IMMP2L: variants seen among roughly 807,000 people sequenced by gnomAD.
IMMP2L encodes the protein mitochondrial inner membrane protease subunit 2.
A neutral mutation model predicts 19.3 loss-of-function variants in IMMP2L; 18 were observed. That is an observed-to-expected ratio of 0.93 (90% CI 0.64 to 1.38). The LOEUF (loss-of-function observed/expected upper bound fraction) is 1.38, where lower values mean the gene tolerates loss of function less well. IMMP2L is among the 40% of genes most tolerant of loss of function. The pLI is 0.00. For missense variants in IMMP2L, 233 were observed against 218.2 expected (o/e 1.07, Z -0.43); for synonymous variants, 76 against 73.0 (o/e 1.04, Z -0.21).
chr7:110,813,261 T>C (rs1464762161), intron 5 of IMMP2L, among the ~76,000 whole-genome samples: 1 of 152,042 alleles, frequency 6.6e-6, no homozygotes. Flanking sequence ...CTTATTGAAT[T>C]CATTTGAGCA....
intron 5 of IMMP2L, among the ~76,000 whole-genome samples, chr7:110,761,994 C>T (rs1584750729): frequency 6.6e-6 from 1 of 152,254 alleles, no homozygotes; most frequent in Admixed American, 6.5e-5. Context: ...CTAGCTTCTA[C>T]CTAGACTGGG....
chr7:111,035,789 C>T (rs1406849148), intron 3 of IMMP2L, among the ~76,000 whole-genome samples: 4 of 152,084 alleles, frequency 2.6e-5, no homozygotes, highest in African/African-American at 7.2e-5. Flanking sequence ...TCTTAACTAT[C>T]TATATTCTTC....
chr7:110,682,248 G>T (rs1227160697), intron 5 of IMMP2L, among the ~76,000 whole-genome samples: 1 of 152,022 alleles, frequency 6.6e-6, no homozygotes, highest in Non-Finnish European at 1.5e-5. Flanking sequence ...AACTCCTCTT[G>T]ACCTTTCCAC....
chr7:111,360,331 C>A (rs905783727), intron 3 of IMMP2L, among the ~76,000 whole-genome samples: 1 of 152,146 alleles, frequency 6.6e-6, no homozygotes, highest in East Asian at 1.9e-4. Flanking sequence ...TCTGAAGACG[C>A]CACTCTGATG....
chr7:110,947,261 T>C (rs1460021957), intron 4 of IMMP2L, among the ~76,000 whole-genome samples: 1 of 152,158 alleles, frequency 6.6e-6, no homozygotes, highest in African/African-American at 2.4e-5. Flanking sequence ...CATAACCTCC[T>C]TGATTTCCTT....
chr7:111,383,169 A>G (rs1831374357), intron 3 of IMMP2L, among the ~76,000 whole-genome samples: 1 of 152,068 alleles, frequency 6.6e-6, no homozygotes, highest in Non-Finnish European at 1.5e-5. Context: ...GACTGAAGAG[A>G]ATAAAGAGGG....
At chr7:110,971,403 A>G (rs1820130819) in intron 3 of IMMP2L, among the ~76,000 whole-genome samples, 1 of 152,104 alleles carries the variant, frequency 6.6e-6, no homozygotes, top group Non-Finnish European at 1.5e-5. Flanking sequence ...GAGACACTTC[A>G]GTGGTTGCCA....
chr7:111,142,646 C>T (rs939950366), intron 3 of IMMP2L, among the ~76,000 whole-genome samples: 1 of 152,060 alleles, frequency 6.6e-6, no homozygotes, highest in Non-Finnish European at 1.5e-5. Context: ...ACATCATTAA[C>T]AGAGACTGAG....
chr7:111,142,325 CAAAAAAAA>C (rs761556733), intron 3 of IMMP2L, among the ~76,000 whole-genome samples: 20 of 62,502 alleles, frequency 3.2e-4, no homozygotes, highest in African/African-American at 1.2e-3. Flanking sequence ...GACTCTGTCT[CAAAAAAAA>C]AAAAAAAAAA....
intron 5 of IMMP2L, among the ~76,000 whole-genome samples, chr7:110,833,684 C>T (rs528667952): frequency 6.6e-6 from 1 of 152,270 alleles, no homozygotes; most frequent in Admixed American, 6.5e-5. Context: ...TTAAACATTA[C>T]ATTTCATGTT....
At chr7:111,234,916 T>A (rs970283621) in intron 3 of IMMP2L, among the ~76,000 whole-genome samples, 1 of 152,132 alleles carries the variant, frequency 6.6e-6, no homozygotes, top group Non-Finnish European at 1.5e-5. Flanking sequence ...AAGTCCACAA[T>A]ATATTTTTAT....
chr7:111,140,768 AT>A (rs1446450910), intron 3 of IMMP2L, among the ~76,000 whole-genome samples: 1 of 152,222 alleles, frequency 6.6e-6, no homozygotes, highest in African/African-American at 2.4e-5. Flanking sequence ...ATTCCATGCT[AT>A]CCCCCAAGTT....
chr7:111,520,207 A>T (rs1846208382), intron 2 of IMMP2L, among the ~76,000 whole-genome samples: 1 of 152,156 alleles, frequency 6.6e-6, no homozygotes, highest in Non-Finnish European at 1.5e-5. Context: ...ATATTTTGGC[A>T]TTCAAAGTAA....
At position 110,664,240 on chromosome 7, in the gene IMMP2L, A is replaced by G. The variant is rs550403881; in HGVS notation, c.409-519T>C. Reference sequence around the variant, plus strand: ...TGGAAAAATCACAGAGTCCTAAAAAATATATATATTTTGTGAAAAACATTG... The same window carrying G: ...TGGAAAAATCACAGAGTCCTAAAAAGTATATATATTTTGTGAAAAACATTG... On this transcript the variant is annotated intron_variant, in intron 5 of 5. Transcript: ENST00000405709. Among the ~76,000 whole-genome samples, 30 of 152,230 alleles carry G rather than the reference A, an allele frequency of 2.0e-4. No homozygotes were observed. The South Asian group carries it at 6.2e-3, about 32-fold the overall frequency.
chr7:110,737,376 A>C (rs1274027223), intron 5 of IMMP2L, among the ~76,000 whole-genome samples: 3 of 152,170 alleles, frequency 2.0e-5, no homozygotes, highest in Non-Finnish European at 4.4e-5. Context: ...TATGGGCTTT[A>C]TGGGAGCAGG....
chr7:110,733,761 GGCCAAACAAGGCT>G (rs1796433919), intron 5 of IMMP2L, among the ~76,000 whole-genome samples: 1 of 151,654 alleles, frequency 6.6e-6, no homozygotes, highest in Admixed American at 6.6e-5. Flanking sequence ...CTTAGAAATG[GGCCAAACAAGGCT>G]GTTTGGCCCT....
At chr7:111,240,830 T>G (rs182301525) in intron 3 of IMMP2L, among the ~76,000 whole-genome samples, 1 of 152,022 alleles carries the variant, frequency 6.6e-6, no homozygotes, top group East Asian at 1.9e-4. Flanking sequence ...TCATTCCCAC[T>G]CTAACCCCCA....
intron 5 of IMMP2L, among the ~76,000 whole-genome samples, chr7:110,858,681 C>A (rs977368692): frequency 1.3e-5 from 2 of 151,808 alleles, no homozygotes; most frequent in Non-Finnish European, 2.9e-5. Flanking sequence ...TATACATGTG[C>A]CATGCTGGTG....
chr7:111,234,881 T>G (rs192689643), intron 3 of IMMP2L, among the ~76,000 whole-genome samples: 90 of 152,240 alleles, frequency 5.9e-4, no homozygotes, highest in African/African-American at 2.0e-3. Flanking sequence ...ACTACTATTA[T>G]AATTTTACTT....
Sources: gnomAD v4.1 joint callset for allele counts (sites outside exome capture counted in the v4.1 genomes callset) on GRCh38, gnomAD v4.1.1 for gene constraint, MANE v1.5 for transcripts, NCBI Gene and HGNC (gene_info 2026-07-23, HGNC 2026-07-21) for gene names.